The following EBF1 variants were observed in gnomAD, a reference collection of about 807,000 sequenced individuals.
The protein encoded by EBF1 is EBF transcription factor 1.
A neutral mutation model predicts 68.4 loss-of-function variants in EBF1; 10 were observed. The observed-to-expected ratio is 0.15, with a 90% CI of 0.09 to 0.25. EBF1 has a LOEUF of 0.25. Among genes scored for constraint, EBF1 ranks in the 10% least tolerant of loss-of-function variants. The pLI is 1.00. For missense variants in EBF1, 509 were observed against 794.4 expected (o/e 0.64, Z 4.32); for synonymous variants, 298 against 299.8 (o/e 0.99, Z 0.06).
At chr5:159,012,735 G>A (rs1000292667) in intron 6 of EBF1, among the ~76,000 whole-genome samples, 2 of 152,142 alleles carry the variant, frequency 1.3e-5, no homozygotes, top group African/African-American at 2.4e-5. Flanking sequence ...CTAGCCTCAG[G>A]CAATCCTCCC....
At chr5:158,847,877 G>A (rs1791840909) in intron 6 of EBF1, among the ~76,000 whole-genome samples, 1 of 152,198 alleles carries the variant, frequency 6.6e-6, no homozygotes, top group Admixed American at 6.5e-5. Flanking sequence ...TTTGAGCAAA[G>A]GTATCAGGAC....
chr5:158,984,201 G>A (rs1179031920), intron 6 of EBF1, among the ~76,000 whole-genome samples: 2 of 152,026 alleles, frequency 1.3e-5, no homozygotes, highest in African/African-American at 2.4e-5. Flanking sequence ...TGCTAACAAC[G>A]ATATATCAAT....
chr5:158,969,922 A>AGAAAG (rs34413450), intron 6 of EBF1, among the ~76,000 whole-genome samples: 7 of 125,102 alleles, frequency 5.6e-5, no homozygotes, highest in Non-Finnish European at 1.1e-4. Flanking sequence ...GAAAGAAAAA[A>AGAAAG]AAAAAAAAGG....
intron 6 of EBF1, among the ~76,000 whole-genome samples, chr5:158,847,101 T>C (rs189372178): frequency 3.3e-5 from 5 of 152,268 alleles, no homozygotes; most frequent in Admixed American, 3.3e-4. Context: ...CAAGGTCCTT[T>C]AGATCTTGGG....
At chr5:158,756,324 C>T (rs1770092638) in intron 10 of EBF1, among the ~76,000 whole-genome samples, 1 of 151,870 alleles carries the variant, frequency 6.6e-6, no homozygotes, top group Admixed American at 6.6e-5. Context: ...AATCAGTCAT[C>T]TTGACCTGTG....
At chr5:158,713,590 A>C (rs765364458) in intron 12 of EBF1, among the ~76,000 whole-genome samples, 19 of 152,218 alleles carry the variant, frequency 1.2e-4, no homozygotes, top group Non-Finnish European at 2.6e-4. Context: ...GGAAGGCTGT[A>C]GATGACTACC....
chr5:158,830,796 T>C (rs942775410), intron 7 of EBF1, among the ~76,000 whole-genome samples: 1 of 152,234 alleles, frequency 6.6e-6, no homozygotes, highest in Non-Finnish European at 1.5e-5. Flanking sequence ...TTCTATCTGG[T>C]TGAAAGATTC....
At chr5:158,818,629 A>T (rs1784212600) in intron 8 of EBF1, among the ~76,000 whole-genome samples, 1 of 152,078 alleles carries the variant, frequency 6.6e-6, no homozygotes, top group South Asian at 2.1e-4. Context: ...AAACTCCACT[A>T]TTGTTTTTAT....
rs866015623 is a variant in EBF1, at chr5:158,708,107, C to T, written c.1616G>A (p.Gly539Asp). 1.3e-6 allele frequency: 2 copies of T among 1,585,776 alleles called. No individual in the cohort carries two copies. The highest frequency in any genetic ancestry group is 1.7e-6 in the Non-Finnish European group (2 of 1,165,574). Residue 539 changes from glycine (G) to aspartate (D), a missense_variant, in exon 15 of 16, where the codon GGC becomes GAC. Around this residue, in one of 3 missense-constraint regions of EBF1, gnomAD observed 205 missense variants for 247.4 expected, o/e 0.83. Coordinates refer to ENST00000313708, the MANE Select transcript of EBF1 (RefSeq NM_024007.5). ...SLPSNCSSSS[G>D]IFSFSPANMV... is the part of the protein sequence containing the mutation. ...GTTGGCTGGTGAGAAGGAGAAGATG[C>T]CCGAGGAGCTGCTGCAGTTGGAGGG...
At chr5:158,905,515 C>T (rs1444093836) in intron 6 of EBF1, among the ~76,000 whole-genome samples, 1 of 152,120 alleles carries the variant, frequency 6.6e-6, no homozygotes, top group Non-Finnish European at 1.5e-5. Context: ...TTATTATTTA[C>T]AGTATTTACT....
At chr5:158,796,092 C>T (rs1005718578) in intron 9 of EBF1, among the ~76,000 whole-genome samples, 1 of 152,094 alleles carries the variant, frequency 6.6e-6, no homozygotes, top group Non-Finnish European at 1.5e-5. Context: ...CCATGGCAAG[C>T]CCAAGAAGAC....
intron 6 of EBF1, among the ~76,000 whole-genome samples, chr5:158,938,443 C>T (rs1319920601): frequency 2.0e-5 from 3 of 152,222 alleles, no homozygotes; most frequent in Non-Finnish European, 2.9e-5. Context: ...CCCTCTGTCC[C>T]AAACACTCTC....
intron 6 of EBF1, among the ~76,000 whole-genome samples, chr5:158,980,924 T>C (rs751036968): frequency 1.3e-5 from 2 of 152,210 alleles, no homozygotes; most frequent in Non-Finnish European, 2.9e-5. Flanking sequence ...GTAAGTTTCA[T>C]AATAAGGTTA....
intron 6 of EBF1, among the ~76,000 whole-genome samples, chr5:159,012,990 A>G (rs1453811906): frequency 6.6e-6 from 1 of 152,048 alleles, no homozygotes; most frequent in African/African-American, 2.4e-5. Flanking sequence ...GAAGAAACCA[A>G]CCCTAACAGC....
chr5:158,797,069 G>A (rs1280636164), intron 8 of EBF1, among the ~76,000 whole-genome samples: 1 of 152,142 alleles, frequency 6.6e-6, no homozygotes, highest in Non-Finnish European at 1.5e-5. Context: ...AGGTCACTCG[G>A]GGTGAATTAT....
At chr5:158,755,430 T>G (rs1769862061) in intron 10 of EBF1, among the ~76,000 whole-genome samples, 1 of 152,160 alleles carries the variant, frequency 6.6e-6, no homozygotes, top group South Asian at 2.1e-4. Context: ...CTGCCTCCTG[T>G]TCATCCTTGC....
intron 6 of EBF1, among the ~76,000 whole-genome samples, chr5:159,021,711 G>T (rs1480547907): frequency 1.3e-5 from 2 of 152,198 alleles, no homozygotes; most frequent in East Asian, 1.9e-4. Flanking sequence ...AAAGCTCACG[G>T]CAGCACGTCT....
At chr5:159,045,990 C>G (rs1196811451) in intron 6 of EBF1, among the ~76,000 whole-genome samples, 2 of 152,182 alleles carry the variant, frequency 1.3e-5, no homozygotes, top group African/African-American at 4.8e-5. Flanking sequence ...GCTCTGCCAC[C>G]AGTAATGACC....
chr5:158,790,896 C>A (rs6861609), intron 9 of EBF1, among the ~76,000 whole-genome samples: 22,624 of 152,120 alleles, frequency 0.15, 2,697 homozygotes, highest in African/African-American at 0.33. Context: ...TTTTGCAAAT[C>A]AACATCACAT....
Sources: gnomAD v4.1 joint callset for allele counts (sites outside exome capture counted in the v4.1 genomes callset) on GRCh38, gnomAD v4.1.1 for gene constraint, gnomAD v4.1.1 regional missense constraint, MANE v1.5 for transcripts, NCBI Gene and HGNC (gene_info 2026-07-23, HGNC 2026-07-21) for gene names.